The following MUC6 variants were observed in gnomAD, a reference collection of about 807,000 sequenced individuals.
The protein encoded by MUC6 is mucin 6, oligomeric mucus/gel-forming (gene/pseudogene), also known as mucin-6.
Under a neutral mutation model 201.5 loss-of-function variants are expected in MUC6, and 188 were observed. The observed-to-expected ratio is 0.93, with a 90% CI of 0.83 to 1.05. MUC6 has a LOEUF of 1.05. Ranked by LOEUF, MUC6 falls within the 50% of genes least tolerant of loss-of-function variation. The pLI, the probability that MUC6 is intolerant of heterozygous loss-of-function variation, is 0.00. For missense variants in MUC6, 2,706 were observed against 3,256.9 expected (o/e 0.83, Z 4.12); for synonymous variants, 1,228 against 1,389.4 (o/e 0.88, Z 2.58).
Position 1,018,622 on chromosome 11 carries a change from C to A in MUC6, c.4179G>T (p.Thr1393=). 1 of 1,612,494 alleles carries A rather than the reference C, an allele frequency of 6.2e-7. No homozygotes were observed. Among genetic ancestry groups the A allele is most frequent in the Non-Finnish European group, 8.5e-7 (1 of 1,179,436 alleles). The change falls in exon 31 of 33, where the codon ACG becomes ACT. Residue 1393 remains threonine, a synonymous_variant. Transcript: ENST00000421673. ...PTATETTQTR[T]TTEYTTPQTP... ...TTTGGGGCGTTGTGTATTCAGTAGT[C>A]GTTCTTGTTTGAGTGGTCTCTGTGG...
chr11:1,031,492 CT>C, intron 4 of MUC6, 114 bp downstream of exon 4: 23 of 1,471,308 alleles, frequency 1.6e-5, no homozygotes, highest in Non-Finnish European at 2.1e-5. Flanking sequence ...AAGGGCCTGG[CT>C]GCATGGCAGC....
At chr11:1,036,145 C>T (rs1172776463) in intron 1 of MUC6, among the ~76,000 whole-genome samples, 1 of 152,030 alleles carries the variant, frequency 6.6e-6, no homozygotes, top group Admixed American at 6.5e-5. Flanking sequence ...GAGGCAGCGT[C>T]CCCCACTTCT....
intron 26 of MUC6, among the ~76,000 whole-genome samples, chr11:1,021,931 C>A (rs1422991807): frequency 1.3e-5 from 2 of 152,086 alleles, no homozygotes; most frequent in Non-Finnish European, 2.9e-5. Flanking sequence ...ATCCCAGGAC[C>A]CTCTGCATTC....
At chr11:1,025,118 CG>C in intron 23 of MUC6, 35 bp from the exon 24 acceptor site, 2 of 1,612,142 alleles carry the variant, frequency 1.2e-6, no homozygotes, top group Non-Finnish European at 1.7e-6. Context: ...GCCCAGGGGC[CG>C]TGCCATCTGT....
Position 1,016,242 on chromosome 11 carries a change from GA to G in MUC6, c.6558del (p.Thr2188ArgfsTer54). Reference sequence around the variant, plus strand: ...GATGCAGACACTGATGCAGTCGTGGGATGAGTGGACAATGAGGAGTGTGACC... The same window carrying G: ...GATGCAGACACTGATGCAGTCGTGGGTGAGTGGACAATGAGGAGTGTGACC... ...SSGSHSSLSTHPTTASVSASP... is the reference protein window; with the variant it reads ...SSGSHSSLSTXPTTASVSASP... On this transcript the variant is annotated frameshift_variant, in exon 31 of 33. Transcript: ENST00000421673. LOFTEE classifies it high-confidence loss of function. The G allele has an allele frequency of 6.2e-7, 1 of 1,613,324 alleles. No homozygotes were observed. The highest frequency in any genetic ancestry group is 8.5e-7 in the Non-Finnish European group (1 of 1,179,738).
rs1857014732 is a variant in MUC6, at chr11:1,028,280, A to T, written c.1699T>A (p.Cys567Ser). 3 of 1,605,350 alleles carry T rather than the reference A, an allele frequency of 1.9e-6. No individual in the cohort carries two copies. Among genetic ancestry groups the T allele is most frequent in the Non-Finnish European group, 2.5e-6 (3 of 1,176,860 alleles). Residue 567 changes from cysteine (C) to serine (S), a missense_variant, in exon 14 of 33, where the codon TGT becomes AGT. By Grantham distance (112) the Cys-to-Ser change is moderately radical (BLOSUM62 -1). This residue lies in a region of MUC6 where 1,850 missense variants were observed against 1,958.3 expected (regional missense o/e 0.94). Transcript: ENST00000421673. ...GTCTCACGCTCCAGAGCGGCCGGAC[A>T]GTTCCCCGCCCGCCAGGAGTCCACA... The part of the protein sequence containing the change: ...LFVDSWRAGN[C>S]PAALERETDP...
chr11:1,028,303 A>G lies in MUC6; in HGVS notation c.1676T>C (p.Val559Ala). The G allele has an allele frequency of 6.2e-7, 1 of 1,611,160 alleles. No homozygotes were observed. The highest frequency in any genetic ancestry group is 8.5e-7 in the Non-Finnish European group (1 of 1,179,344). ...GIAEGTASLF[V>A]DSWRAGNCPA... ...ACAGTTCCCCGCCCGCCAGGAGTCC[A>G]CAAACAGCGAGGCGGTGCCCTCGGC... Residue 559 changes from valine (V) to alanine (A), a missense_variant, in exon 14 of 33, where the codon GTG (valine) becomes GCG (alanine). Coordinates refer to ENST00000421673, the MANE Select transcript of MUC6 (RefSeq NM_005961.3).
chr11:1,027,662 C>T (rs1856997958), intron 16 of MUC6, 23 bp downstream of exon 16: 1 of 1,586,862 alleles, frequency 6.3e-7, no homozygotes, highest in Non-Finnish European at 8.6e-7. Context: ...CGTGACCCCG[C>T]TTAAGCCCCG....
At chr11:1,032,694 G>T (rs1424844424) in intron 2 of MUC6, among the ~76,000 whole-genome samples, 1 of 151,174 alleles carries the variant, frequency 6.6e-6, no homozygotes, top group African/African-American at 2.4e-5. Flanking sequence ...TGTTTGTCAG[G>T]TGTGTTTGTG....
intron 7 of MUC6, 82 bp downstream of exon 7, chr11:1,030,491 C>G (rs938014629): frequency 2.1e-6 from 3 of 1,442,444 alleles, no homozygotes; most frequent in East Asian, 2.5e-5. Flanking sequence ...GCAGGCGTCA[C>G]GTCAGGCAGT....
Position 1,017,846 on chromosome 11 carries a change from G to C in MUC6, c.4955C>G (p.Thr1652Arg), listed in dbSNP as rs568545799. 1.9e-6 allele frequency: 3 copies of C among 1,613,940 alleles called. No homozygotes were observed. Among genetic ancestry groups the C allele is most frequent in the South Asian group, 2.2e-5 (2 of 91,062 alleles). ...SASIHSMPTG[T>R]IPPPTTLKAT... ...CTTGAGCGTTGTCGGTGGAGGAATC[G>C]TGCCTGTTGGCATTGAGTGGATGGA... Residue 1652 changes from threonine (T) to arginine (R), a missense_variant, in exon 31 of 33, where the codon ACG becomes AGG. Coordinates refer to ENST00000421673, the MANE Select transcript of MUC6 (RefSeq NM_005961.3).
In MUC6 at chr11:1,027,200, G is replaced by T; in HGVS notation, c.2232-7C>A. Reference sequence around the variant, plus strand: ...CCGCCCGTTGATGCAGTGGCTGCAAGAGAGAGGCTGCGTGAGACCCCGGGA... The same window carrying T: ...CCGCCCGTTGATGCAGTGGCTGCAATAGAGAGGCTGCGTGAGACCCCGGGA... On this transcript the variant is annotated splice_region_variant and splice_polypyrimidine_tract_variant and intron_variant, in intron 17 of 32. Transcript: ENST00000421673. 6.2e-7 allele frequency: 1 copy of T among 1,612,288 alleles called. No homozygotes were observed. The highest frequency in any genetic ancestry group is 8.5e-7 in the Non-Finnish European group (1 of 1,179,676).
At chr11:1,023,480 A>G in intron 26 of MUC6, 29 bp downstream of exon 26, 2 of 1,553,076 alleles carry the variant, frequency 1.3e-6, no homozygotes, top group Non-Finnish European at 1.7e-6. Flanking sequence ...CCCCCTGTGT[A>G]TCTGCGTTGC....
At chr11:1,031,779 C>T (rs1416060919) in intron 3 of MUC6, 34 bp downstream of exon 3, 12 of 1,557,210 alleles carry the variant, frequency 7.7e-6, no homozygotes, top group African/African-American at 1.4e-5. Context: ...TCCTCCGGCC[C>T]CCGAGCCCCC....
rs758147660 is a variant in MUC6, at chr11:1,015,965, C to CGGGT, written c.6832_6835dup (p.Arg2279HisfsTer96). On this transcript the variant is annotated frameshift_variant, in exon 31 of 33. Transcript: ENST00000421673. LOFTEE classifies it high-confidence loss of function. ...TGACACAAAGCCTGATGTGGGAACT[C>CGGGT]GGGTGGTGAGAGAAGTGGACCGCGA... is the stretch of plus-strand genomic sequence containing the variant. 21 of 1,592,204 alleles carry CGGGT rather than the reference C, an allele frequency of 1.3e-5. No individual in the cohort carries two copies. In the Admixed American group the frequency reaches 3.2e-4, roughly 24 times the overall value.
intron 26 of MUC6, 137 bp from the exon 27 acceptor site, chr11:1,021,414 A>G (rs967466996): frequency 2.1e-6 from 1 of 479,960 alleles, no homozygotes; most frequent in African/African-American, 2.4e-5. Context: ...TCTGTCGCCC[A>G]GGCTGGAGTG....
chr11:1,020,712 T>TGGCTGCGGCGTGGTGGGC lies in MUC6; in HGVS notation c.3594_3611dup (p.Pro1204_Gln1209dup), dbSNP rs766448490. 30 of 1,613,160 alleles carry TGGCTGCGGCGTGGTGGGC rather than the reference T, an allele frequency of 1.9e-5. No homozygotes were observed. Among genetic ancestry groups the TGGCTGCGGCGTGGTGGGC allele is most frequent in the Non-Finnish European group, 2.5e-5 (30 of 1,179,780 alleles). The stretch of plus-strand genomic sequence containing the variant: ...TGGTGGGCAGCTGCGGCGTGGTGGG[T>TGGCTGCGGCGTGGTGGGC]GGCTGCGGCGTGGTGGGCGGCACTG... On this transcript the variant is annotated inframe_insertion, in exon 28 of 33. Transcript: ENST00000421673.
At chr11:1,026,795 G>T in intron 19 of MUC6, 146 bp downstream of exon 19, 1 of 918,366 alleles carries the variant, frequency 1.1e-6, no homozygotes, top group Non-Finnish European at 1.6e-6. Context: ...CAGCTGCCTG[G>T]CCACAGGGCC....
rs545248798 is a variant in MUC6 at position 1,033,186 on chromosome 11, C to T, written c.53-111G>A. On this transcript the variant is annotated intron_variant, in intron 1 of 32. Transcript: ENST00000421673. The surrounding 1 kb of genome is among the most constrained non-coding windows in gnomAD (Gnocchi z 5.6). ...CGTTTCCCTGCACACACTCGGCGTG[C>T]GAGAAGTGTCCATGGCCCGTGGGGC... 3.9e-5 allele frequency: 43 copies of T among 1,093,982 alleles called. No homozygotes were observed. Among genetic ancestry groups the T allele is most frequent in the African/African-American group, 2.9e-4 (19 of 64,764 alleles). The allele number at this position is 1,093,982 out of a possible 1,614,324, so 67.8% of individuals were successfully genotyped here.
Sources: gnomAD v4.1 joint callset for allele counts (sites outside exome capture counted in the v4.1 genomes callset) on GRCh38, gnomAD v4.1.1 for gene constraint, gnomAD v4.1.1 regional missense constraint, Gnocchi (gnomAD v3.1) non-coding constraint, MANE v1.5 for transcripts, NCBI Gene and HGNC (gene_info 2026-07-23, HGNC 2026-07-21) for gene names.